Variants in GALNT13 observed in about 807,000 individuals in gnomAD.
The protein encoded by GALNT13 is UDP-GalNAc:polypeptide N-acetylgalactosaminyltransferase 13.
Under a neutral mutation model 64.2 loss-of-function variants are expected in GALNT13, and 28 were observed. That is an observed-to-expected ratio of 0.44 (90% confidence interval 0.32 to 0.60). GALNT13 has a LOEUF of 0.60. Ranked by LOEUF, GALNT13 falls within the 20% of genes least tolerant of loss-of-function variation. The probability of loss-of-function intolerance (pLI) is 0.05; values close to 1 mark genes in which losing one functional copy is unlikely to be tolerated. For synonymous variants in GALNT13, 214 were observed against 224.6 expected (o/e 0.95, Z 0.42); for missense variants, 577 against 669.8 (o/e 0.86, Z 1.53).
At chr2:153,201,073 C>T in the GALNT13 span, among the ~76,000 whole-genome samples, 4 of 152,146 alleles carry the variant, frequency 2.6e-5, no homozygotes, top group South Asian at 2.1e-4. Context: ...GTAATTTCCC[C>T]GGAAATTCCC....
chr2:154,194,261 A>T (rs1048748187), intron 4 of GALNT13, among the ~76,000 whole-genome samples: 1 of 152,202 alleles, frequency 6.6e-6, no homozygotes, highest in African/African-American at 2.4e-5. Flanking sequence ...CAAGTTAATC[A>T]TATACTAACA....
intron 9 of GALNT13, among the ~76,000 whole-genome samples, chr2:154,388,534 T>C (rs1466675331): frequency 2.6e-5 from 4 of 152,212 alleles, no homozygotes; most frequent in African/African-American, 7.2e-5. Flanking sequence ...AATTTAAAAT[T>C]TTAATCCATT....
chr2:154,330,603 T>C (rs974341952), intron 9 of GALNT13, among the ~76,000 whole-genome samples: 2 of 152,128 alleles, frequency 1.3e-5, no homozygotes, highest in African/African-American at 2.4e-5. Context: ...CCCCTGCTCC[T>C]TCTGATTATC....
intron 3 of GALNT13, among the ~76,000 whole-genome samples, chr2:153,979,356 C>T (rs561273231): frequency 1.1e-4 from 17 of 152,176 alleles, no homozygotes; most frequent in African/African-American, 4.1e-4. Flanking sequence ...ATAAAGGCTT[C>T]CTTGCTTTTG....
At chr2:153,588,087 C>A in the GALNT13 span, among the ~76,000 whole-genome samples, 1 of 152,206 alleles carries the variant, frequency 6.6e-6, no homozygotes, top group Non-Finnish European at 1.5e-5. Context: ...AAAGATGGTT[C>A]TCATGGTCTT....
chr2:153,282,671 C>T, the GALNT13 span, among the ~76,000 whole-genome samples: 1 of 152,172 alleles, frequency 6.6e-6, no homozygotes, highest in African/African-American at 2.4e-5. Context: ...CTACCTCAGC[C>T]TCCCAAACTG....
the GALNT13 span, among the ~76,000 whole-genome samples, chr2:153,221,761 A>C: frequency 6.6e-6 from 1 of 152,146 alleles, no homozygotes; most frequent in African/African-American, 2.4e-5. Context: ...AGCTACTGTG[A>C]CAGGGCGGGC....
the GALNT13 span, among the ~76,000 whole-genome samples, chr2:153,641,045 G>A: frequency 6.6e-6 from 1 of 152,036 alleles, no homozygotes; most frequent in African/African-American, 2.4e-5. Context: ...ATATAAAACA[G>A]CAATGGTTCA....
chr2:153,528,931 G>A, the GALNT13 span, among the ~76,000 whole-genome samples: 42 of 151,914 alleles, frequency 2.8e-4, no homozygotes, highest in Non-Finnish European at 4.9e-4. Flanking sequence ...GCAGTACTCA[G>A]AGGGAAGTAT....
At chr2:154,206,732 C>T (rs572642583) in intron 4 of GALNT13, among the ~76,000 whole-genome samples, 118 of 151,346 alleles carry the variant, frequency 7.8e-4, no homozygotes, top group African/African-American at 2.1e-3. Context: ...TGCAGTGAGC[C>T]GAGATTGCCC....
the GALNT13 span, among the ~76,000 whole-genome samples, chr2:153,755,945 C>A: frequency 6.6e-6 from 1 of 152,092 alleles, no homozygotes; most frequent in African/African-American, 2.4e-5. Flanking sequence ...ATTGATTTTG[C>A]AAGAAGTTAA....
At chr2:153,620,834 G>C in the GALNT13 span, among the ~76,000 whole-genome samples, 1 of 151,962 alleles carries the variant, frequency 6.6e-6, no homozygotes, top group African/African-American at 2.4e-5. Context: ...GTTCTTCACT[G>C]TCTGGGCTTT....
At chr2:153,160,962 C>A in the GALNT13 span, among the ~76,000 whole-genome samples, 27 of 152,106 alleles carry the variant, frequency 1.8e-4, no homozygotes, top group Admixed American at 1.6e-3. Context: ...CTCTTTAAGC[C>A]AGTGACGATG....
the GALNT13 span, among the ~76,000 whole-genome samples, chr2:153,597,081 C>G: frequency 4.6e-5 from 7 of 152,112 alleles, no homozygotes; most frequent in Non-Finnish European, 2.9e-5. Flanking sequence ...CATTTCTATT[C>G]TACAACAGTT....
intron 8 of GALNT13, among the ~76,000 whole-genome samples, chr2:154,269,930 A>AT (rs1553506263): frequency 2.8e-5 from 4 of 142,898 alleles, no homozygotes; most frequent in East Asian, 2.1e-4. Flanking sequence ...ATATATTTCT[A>AT]AAGCACAGGG....
At chr2:154,362,818 A>G (rs1697151281) in intron 9 of GALNT13, among the ~76,000 whole-genome samples, 1 of 152,172 alleles carries the variant, frequency 6.6e-6, no homozygotes. Flanking sequence ...TTCTCCCCAC[A>G]TTCATTTTCA....
At chr2:154,234,833 G>A (rs1328395836) in intron 4 of GALNT13, among the ~76,000 whole-genome samples, 1 of 151,998 alleles carries the variant, frequency 6.6e-6, no homozygotes, top group Non-Finnish European at 1.5e-5. Flanking sequence ...GAGAGGCAGA[G>A]ATAAATAAGG....
chr2:153,828,700 G>A, the GALNT13 span, among the ~76,000 whole-genome samples: 286 of 152,254 alleles, frequency 1.9e-3, no homozygotes, highest in African/African-American at 6.1e-3. Flanking sequence ...GGGGATTGAC[G>A]TTGGGCTCCT....
intron 9 of GALNT13, among the ~76,000 whole-genome samples, chr2:154,392,577 A>T (rs1263447710): frequency 6.6e-6 from 1 of 152,222 alleles, no homozygotes; most frequent in African/African-American, 2.4e-5. Context: ...AACCATAAAC[A>T]TCACTTCTGT....
Sources: gnomAD v4.1 joint callset for allele counts (sites outside exome capture counted in the v4.1 genomes callset) on GRCh38, gnomAD v4.1.1 for gene constraint, MANE v1.5 for transcripts, NCBI Gene and HGNC (gene_info 2026-07-23, HGNC 2026-07-21) for gene names.